The following P3H2 variants were observed in gnomAD, a reference collection of about 807,000 sequenced individuals.
P3H2 encodes prolyl 3-hydroxylase 2.
In P3H2, 80 loss-of-function variants were observed where a neutral mutation model predicts 87.0. That is an observed-to-expected ratio of 0.92 (90% CI 0.77 to 1.11). The LOEUF (loss-of-function observed/expected upper bound fraction) is 1.11. P3H2 is among the 50% of genes least tolerant of loss of function. The pLI, the probability that P3H2 is intolerant of heterozygous loss-of-function variation, is 0.00. For synonymous variants in P3H2, 367 were observed against 359.3 expected, an observed-to-expected ratio of 1.02 and a Z score of -0.24; for missense variants, 1,001 against 923.9, an observed-to-expected ratio of 1.08 and a Z score of -1.08.
At chr3:189,969,236 A>C in intron 13 of P3H2, 1 of 771,502 alleles carries the variant, frequency 1.3e-6, no homozygotes, top group Non-Finnish European at 2.4e-6. Flanking sequence ...CTCGCATAAC[A>C]AATTCCAGCC....
In P3H2 at chr3:190,025,614, T is replaced by C. The variant is rs1432502074; in HGVS notation, c.481-30172A>G. ...CTCTCCTTTGCATATAAGAGTTTGA[T>C]AAAGCTATTATCATTATGTCTCACT... On this transcript the variant is annotated intron_variant, in intron 1 of 14. Transcript: ENST00000319332. Among the ~76,000 whole-genome samples the C allele has an allele frequency of 2.0e-5, 3 of 152,214 alleles. No homozygotes were observed. The East Asian group carries it at 5.8e-4, about 29-fold the overall frequency.
intron 1 of P3H2, among the ~76,000 whole-genome samples, chr3:190,098,082 A>G (rs982811509): frequency 4.6e-5 from 7 of 152,244 alleles, no homozygotes; most frequent in African/African-American, 1.7e-4. Context: ...ATTTTTTAAA[A>G]ATGAAACAAT....
chr3:190,066,143 G>GTGTATATATATATATATATATA (rs58939026), intron 1 of P3H2, among the ~76,000 whole-genome samples: 30 of 138,748 alleles, frequency 2.2e-4, no homozygotes, highest in Middle Eastern at 3.5e-3. Context: ...ACTGTGGTGT[G>GTGTATATATATATATATATATA]TATATATATA....
At chr3:189,988,335 T>G (rs1040293) in intron 4 of P3H2, among the ~76,000 whole-genome samples, 118,528 of 152,056 alleles carry the variant, frequency 0.78, 46,509 homozygotes, top group East Asian at 0.92. Context: ...TTTCAAATAG[T>G]TCACAACATT....
chr3:189,958,589 G>A (rs911978017), intron 14 of P3H2, among the ~76,000 whole-genome samples: 7 of 151,896 alleles, frequency 4.6e-5, no homozygotes, highest in Admixed American at 3.9e-4. Context: ...TGCCCTGCAG[G>A]ATGCTCAGCG....
chr3:189,989,119 G>A, intron 3 of P3H2, 81 bp from the exon 4 acceptor site: 1 of 1,542,078 alleles, frequency 6.5e-7, no homozygotes. Flanking sequence ...AGTTACACAG[G>A]TCATTCCTCA....
chr3:190,025,009 AAG>A (rs992321338), intron 1 of P3H2, among the ~76,000 whole-genome samples: 1 of 152,204 alleles, frequency 6.6e-6, no homozygotes, highest in African/African-American at 2.4e-5. Flanking sequence ...GCCTTTTAAA[AAG>A]ACTCTTAAAG....
At chr3:190,078,616 T>A (rs1204122871) in intron 1 of P3H2, among the ~76,000 whole-genome samples, 1 of 152,144 alleles carries the variant, frequency 6.6e-6, no homozygotes, top group Admixed American at 6.5e-5. Flanking sequence ...AAGGGAGACA[T>A]ACTATGACCC....
chr3:190,099,258 A>T (rs1212015824), intron 1 of P3H2, among the ~76,000 whole-genome samples: 2 of 152,234 alleles, frequency 1.3e-5, no homozygotes, highest in African/African-American at 4.8e-5. Flanking sequence ...AACTTCTGGC[A>T]AAACTTCATT....
chr3:190,100,881 T>C (rs992797191), intron 1 of P3H2, among the ~76,000 whole-genome samples: 4 of 152,156 alleles, frequency 2.6e-5, no homozygotes, highest in African/African-American at 7.2e-5. Flanking sequence ...TGTGGCGACC[T>C]TGCATCAGGC....
chr3:190,059,354 A>G (rs1280417986), intron 1 of P3H2, among the ~76,000 whole-genome samples: 7 of 152,050 alleles, frequency 4.6e-5, no homozygotes, highest in Admixed American at 4.6e-4. Flanking sequence ...CTCATGAGTA[A>G]GAGACTCCCA....
chr3:189,989,529 G>T lies in P3H2; in HGVS notation c.824-491C>A, dbSNP rs535820402. On this transcript the variant is annotated intron_variant, in intron 3 of 14. Transcript: ENST00000319332. ...ATTCAGGCTGAGAAGTGAAGCAAAA[G>T]TGCTCTTTTTCTTTCTTAACATTTT... Among the ~76,000 whole-genome samples, 3 of 152,196 alleles carry T rather than the reference G, an allele frequency of 2.0e-5. No individual in the cohort carries two copies. In the South Asian group the frequency reaches 6.2e-4, roughly 32 times the overall value.
Position 189,957,583 on chromosome 3 carries a change from G to A in P3H2, c.*329C>T, listed in dbSNP as rs957341295. On this transcript the variant is annotated 3_prime_UTR_variant, in exon 15 of 15. Coordinates refer to ENST00000319332, the MANE Select transcript of P3H2 (RefSeq NM_018192.4). ...CACGTGCCTGTGGTCCCAGCTCCCC[G>A]GGAGGCTTGAAGGATCGCCTGAGCC... 15 of 409,684 alleles carry A rather than the reference G, an allele frequency of 3.7e-5. No homozygotes were observed. Among genetic ancestry groups the A allele is most frequent in the Non-Finnish European group, 5.7e-5 (13 of 228,496 alleles). 25.4% of individuals were successfully genotyped at this position (409,684 alleles called of 1,614,324 possible). A position where few individuals can be genotyped will look rare whatever the true frequency, so the allele number is the denominator to read the frequency against.
chr3:190,100,232 T>TCCCCCCCCCCCCCCC, intron 1 of P3H2, among the ~76,000 whole-genome samples: 1 of 73,984 alleles, frequency 1.4e-5, no homozygotes, highest in African/African-American at 5.6e-5. Flanking sequence ...CAAAACTCCG[T>TCCCCCCCCCCCCCCC]CCCCCGCCCC....
At chr3:189,958,625 A>G (rs796280833) in intron 14 of P3H2, among the ~76,000 whole-genome samples, 4 of 151,528 alleles carry the variant, frequency 2.6e-5, no homozygotes, top group African/African-American at 9.7e-5. Flanking sequence ...TACCTACCAC[A>G]GGTGTCAGTA....
chr3:189,970,225 A>ATATATATATATATATATAT (rs1321977971), intron 13 of P3H2, among the ~76,000 whole-genome samples: 1 of 45,330 alleles, frequency 2.2e-5, no homozygotes, highest in Non-Finnish European at 4.0e-5. Flanking sequence ...TATATATATG[A>ATATATATATATATATATAT]GGCCATGTCT....
At chr3:190,068,768 A>T (rs1726598408) in intron 1 of P3H2, among the ~76,000 whole-genome samples, 1 of 152,094 alleles carries the variant, frequency 6.6e-6, no homozygotes, top group Non-Finnish European at 1.5e-5. Flanking sequence ...GTAAAATGAC[A>T]GCTATTTGTT....
intron 8 of P3H2, among the ~76,000 whole-genome samples, chr3:189,978,100 AAAGAT>A (rs1362220190): frequency 9.9e-5 from 15 of 152,222 alleles, no homozygotes; most frequent in African/African-American, 3.6e-4. Flanking sequence ...CTTCAAGAAG[AAAGAT>A]AAGATACTTG....
At chr3:190,004,495 G>A (rs1329799868) in intron 1 of P3H2, among the ~76,000 whole-genome samples, 2 of 152,014 alleles carry the variant, frequency 1.3e-5, no homozygotes, top group East Asian at 1.9e-4. Flanking sequence ...CCATTCTCCT[G>A]CCTCAGCCTC....
Sources: gnomAD v4.1 joint callset for allele counts (sites outside exome capture counted in the v4.1 genomes callset) on GRCh38, gnomAD v4.1.1 for gene constraint, MANE v1.5 for transcripts, NCBI Gene and HGNC (gene_info 2026-07-23, HGNC 2026-07-21) for gene names.